PCDHA4: variants seen among roughly 807,000 people sequenced by gnomAD.
PCDHA4 encodes the protein protocadherin alpha 4, also known as protocadherin alpha-4.
A neutral mutation model predicts 61.4 loss-of-function variants in PCDHA4; 49 were observed. The observed-to-expected ratio is 0.80, with a 90% confidence interval of 0.63 to 1.01. The LOEUF (loss-of-function observed/expected upper bound fraction) is 1.01. Ranked by LOEUF, PCDHA4 falls within the 50% of genes least tolerant of loss-of-function variation. The pLI is 0.00. For synonymous variants in PCDHA4, 590 were observed against 550.3 expected (o/e 1.07, Z -1.01); for missense variants, 1,254 against 1,235.8 (o/e 1.01, Z -0.22).
chr5:140,850,626 T>C (rs1554144591), intron 1 of PCDHA4: 1 of 1,598,444 alleles, frequency 6.3e-7, no homozygotes, highest in African/African-American at 1.3e-5. Flanking sequence ...GTCTAGCCTG[T>C]TGGTTCTCAC....
intron 1 of PCDHA4, among the ~76,000 whole-genome samples, chr5:140,932,121 T>C (rs1343821167): frequency 6.6e-6 from 1 of 151,956 alleles, no homozygotes; most frequent in Non-Finnish European, 1.5e-5. Context: ...ATTGATAATA[T>C]TTAAGATATA....
At chr5:140,835,281 G>A (rs2150233250) in intron 1 of PCDHA4, 1 of 1,611,780 alleles carries the variant, frequency 6.2e-7, no homozygotes, top group East Asian at 2.2e-5. Flanking sequence ...CCCCTTAAGT[G>A]GGGCAATCAC....
chr5:140,883,761 G>C, intron 1 of PCDHA4: 1 of 1,612,908 alleles, frequency 6.2e-7, no homozygotes, highest in Non-Finnish European at 8.5e-7. Flanking sequence ...GTGGAGCGGC[G>C]GGTGGGCGAG....
intron 1 of PCDHA4, chr5:140,822,689 G>T: frequency 6.2e-7 from 1 of 1,609,690 alleles, no homozygotes; most frequent in South Asian, 1.1e-5. Flanking sequence ...AAAGTTAACG[G>T]GGAACTGGAT....
intron 1 of PCDHA4, among the ~76,000 whole-genome samples, chr5:140,821,070 A>G (rs1317979536): frequency 6.6e-6 from 1 of 152,132 alleles, no homozygotes; most frequent in East Asian, 1.9e-4. Flanking sequence ...AAATAGTTTT[A>G]GTTGTTTTTG....
intron 3 of PCDHA4, among the ~76,000 whole-genome samples, chr5:140,993,365 A>G (rs1207264244): frequency 1.3e-5 from 2 of 151,422 alleles, no homozygotes; most frequent in Admixed American, 6.6e-5. Flanking sequence ...CACAAAAACT[A>G]CCTCCCAGCC....
chr5:140,913,531 A>T (rs1451484656), intron 1 of PCDHA4, among the ~76,000 whole-genome samples: 1 of 151,914 alleles, frequency 6.6e-6, no homozygotes, highest in Admixed American at 6.6e-5. Flanking sequence ...TTTTCAAAAG[A>T]TTGACTTTTT....
chr5:140,835,558 G>A (rs1359916127), intron 1 of PCDHA4: 13 of 1,613,894 alleles, frequency 8.1e-6, no homozygotes, highest in Non-Finnish European at 1.0e-5. Context: ...CTGACGCCCC[G>A]CGTTCCCTTC....
chr5:141,000,419 A>ATTTTT (rs1563652468), intron 3 of PCDHA4, among the ~76,000 whole-genome samples: 15 of 60,994 alleles, frequency 2.5e-4, no homozygotes, highest in East Asian at 5.4e-4. Flanking sequence ...ATATATATAT[A>ATTTTT]TATTTTTTTT....
intron 1 of PCDHA4, chr5:140,836,819 C>A: frequency 1.8e-6 from 2 of 1,113,460 alleles, no homozygotes; most frequent in East Asian, 2.5e-5. Flanking sequence ...TTCATAATTT[C>A]TTTTTTAGTT....
chr5:140,812,586 C>A (rs1376268263), intron 1 of PCDHA4: 1 of 151,112 alleles, frequency 6.6e-6, no homozygotes, highest in Non-Finnish European at 1.5e-5. Flanking sequence ...TTTCTTCTTT[C>A]TTCATTTTTA....
In PCDHA4 at chr5:140,823,005, C is replaced by T. The variant is rs2150121169; in HGVS notation, c.2385+13433C>T. On this transcript the variant is annotated intron_variant, in intron 1 of 3. Coordinates refer to ENST00000530339, the MANE Select transcript of PCDHA4 (RefSeq NM_018907.4). ...ATTACTACTCGTTGGTGCTGGACAG[C>T]GCCCTGGACCGCGAGAGCGTGTCGG... 5,038 of 1,614,224 alleles carry T rather than the reference C, an allele frequency of 3.1e-3. 120 individuals are homozygous for T. In the African/African-American group the frequency reaches 0.055, roughly 18 times the overall value.
At chr5:140,900,626 T>C (rs958637463) in intron 1 of PCDHA4, among the ~76,000 whole-genome samples, 6 of 152,230 alleles carry the variant, frequency 3.9e-5, no homozygotes, top group Non-Finnish European at 7.3e-5. Flanking sequence ...TGCTTCCAAA[T>C]CTTGGCTATT....
chr5:140,825,415 A>AAT (rs782208695), intron 1 of PCDHA4: 2 of 146,774 alleles, frequency 1.4e-5, no homozygotes, highest in African/African-American at 4.9e-5. Context: ...TATTTTATAT[A>AAT]ATATATATAA....
intron 1 of PCDHA4, among the ~76,000 whole-genome samples, chr5:140,925,505 C>A (rs528944783): frequency 6.6e-5 from 10 of 152,052 alleles, no homozygotes; most frequent in African/African-American, 2.2e-4. Flanking sequence ...CCAATATCCA[C>A]GCAAAAGACC....
Position 140,808,221 on chromosome 5 carries a change from A to G in PCDHA4, c.1034A>G (p.Asp345Gly), listed in dbSNP as rs566917401. The stretch of plus-strand genomic sequence containing the variant: ...ATTGTGGAAGTAGAAGACAACAACG[A>G]TAATGTCCCAGATTTGGAATTCAAG... ...RVIVEVEDNN[D>G]NVPDLEFKSL... is the part of the protein sequence containing the mutation. Residue 345 changes from aspartate to glycine, a missense_variant, in exon 1 of 4, where the codon GAT becomes GGT. By Grantham distance (94) the Asp-to-Gly change is moderately conservative (BLOSUM62 -1). Transcript: ENST00000530339. 1 of 1,614,226 alleles carries G rather than the reference A, an allele frequency of 6.2e-7. No individual in the cohort carries two copies. Among genetic ancestry groups the G allele is most frequent in the African/African-American group, 1.3e-5 (1 of 75,062 alleles).
chr5:140,870,537 G>C (rs575452776), intron 1 of PCDHA4: 1 of 1,614,172 alleles, frequency 6.2e-7, no homozygotes, highest in Non-Finnish European at 8.5e-7. Context: ...CAGTGTCGGC[G>C]CGGGACGCGG....
At position 140,809,220 on chromosome 5, in the gene PCDHA4, C is replaced by T; in HGVS notation, c.2033C>T (p.Ala678Val). 6.2e-7 allele frequency: 1 copy of T among 1,614,068 alleles called. No individual in the cohort carries two copies. Among genetic ancestry groups the T allele is most frequent in the Non-Finnish European group, 8.5e-7 (1 of 1,179,956 alleles). The change falls in exon 1 of 4, where the codon GCC becomes GTC. Residue 678 changes from alanine to valine, a missense_variant. By Grantham distance (64) the Ala-to-Val change is moderately conservative. Coordinates refer to ENST00000530339, the MANE Select transcript of PCDHA4 (RefSeq NM_018907.4). ...SLVESGQAPK[A>V]SSRALVGAVG... Reference sequence around the variant, plus strand: ...GTGGAGAGTGGACAGGCGCCAAAGGCCTCCTCACGGGCGTTGGTGGGCGCT... The same window carrying T: ...GTGGAGAGTGGACAGGCGCCAAAGGTCTCCTCACGGGCGTTGGTGGGCGCT...
intron 1 of PCDHA4, among the ~76,000 whole-genome samples, chr5:140,879,240 C>T (rs1266442175): frequency 6.6e-6 from 1 of 152,134 alleles, no homozygotes; most frequent in Non-Finnish European, 1.5e-5. Flanking sequence ...ACAAGAGGCA[C>T]TGGCAAAGTA....
Sources: gnomAD v4.1 joint callset for allele counts (sites outside exome capture counted in the v4.1 genomes callset) on GRCh38, gnomAD v4.1.1 for gene constraint, MANE v1.5 for transcripts, NCBI Gene and HGNC (gene_info 2026-07-23, HGNC 2026-07-21) for gene names.